Variants in KIAA1217 observed in about 807,000 individuals in gnomAD.
KIAA1217 encodes the protein sickle tail protein homolog.
A neutral mutation model predicts 163.9 loss-of-function variants in KIAA1217; 88 were observed. The observed-to-expected ratio is 0.54, with a 90% CI of 0.45 to 0.64. The LOEUF is 0.64. Ranked by LOEUF, KIAA1217 falls within the 30% of genes least tolerant of loss-of-function variation. The pLI, the probability that KIAA1217 is intolerant of heterozygous loss-of-function variation, is 0.00. For synonymous variants in KIAA1217, 903 were observed against 923.1 expected (o/e 0.98, Z 0.39); for missense variants, 2,372 against 2,475.0 (o/e 0.96, Z 0.88).
At chr10:24,216,364 G>A (rs2068818400) in intron 1 of KIAA1217, among the ~76,000 whole-genome samples, 1 of 152,192 alleles carries the variant, frequency 6.6e-6, no homozygotes, top group Non-Finnish European at 1.5e-5. Context: ...GGACATGCAT[G>A]GATGTTTATC....
chr10:23,835,668 C>T (rs188846011), intron 1 of KIAA1217, among the ~76,000 whole-genome samples: 18 of 152,202 alleles, frequency 1.2e-4, no homozygotes, highest in Admixed American at 3.9e-4. Flanking sequence ...TTCTTTCTGC[C>T]ACACCTTTAA....
intron 2 of KIAA1217, among the ~76,000 whole-genome samples, chr10:24,251,856 TAAAAA>T (rs34540873): frequency 5.8e-5 from 7 of 119,736 alleles, no homozygotes; most frequent in Admixed American, 1.8e-4. Context: ...CTGCATCTGT[TAAAAA>T]AAAAAAAAAA....
intron 2 of KIAA1217, among the ~76,000 whole-genome samples, chr10:24,029,856 T>A (rs1848121178): frequency 6.6e-6 from 1 of 152,154 alleles, no homozygotes; most frequent in African/African-American, 2.4e-5. Flanking sequence ...TGTAGTATCA[T>A]CTCTGTATTG....
chr10:24,525,754 C>T (rs1214185973), intron 13 of KIAA1217, among the ~76,000 whole-genome samples: 6 of 152,058 alleles, frequency 3.9e-5, no homozygotes, highest in East Asian at 1.9e-4. Flanking sequence ...TTTGGGAGGC[C>T]GAGGCGGGTC....
chr10:23,854,634 A>T, intron 1 of KIAA1217, among the ~76,000 whole-genome samples: 1 of 152,100 alleles, frequency 6.6e-6, no homozygotes, highest in East Asian at 1.9e-4. Context: ...TCCCATTATT[A>T]TCGTGTGGGA....
At chr10:24,407,793 T>G (rs990309246) in intron 3 of KIAA1217, among the ~76,000 whole-genome samples, 3 of 152,180 alleles carry the variant, frequency 2.0e-5, no homozygotes, top group African/African-American at 7.2e-5. Context: ...GCCATGGTCA[T>G]GAAGAGTGGC....
chr10:24,334,583 C>T (rs137913888), intron 2 of KIAA1217, among the ~76,000 whole-genome samples: 188 of 152,216 alleles, frequency 1.2e-3, no homozygotes, highest in African/African-American at 4.3e-3. Context: ...CTTATAAATC[C>T]TTACATCTAA....
intron 1 of KIAA1217, among the ~76,000 whole-genome samples, chr10:23,749,609 G>A (rs141908407): frequency 2.0e-5 from 3 of 152,140 alleles, no homozygotes; most frequent in Non-Finnish European, 4.4e-5. Flanking sequence ...CATTCACCAT[G>A]TTGGCCAGGA....
In KIAA1217 at chr10:23,695,641, C is replaced by A. The variant is rs1433617896; in HGVS notation, c.-321+407C>A. Among the ~76,000 whole-genome samples, 1 of 151,994 alleles carries A rather than the reference C, an allele frequency of 6.6e-6. No homozygotes were observed. Among genetic ancestry groups the A allele is most frequent in the African/African-American group, 2.4e-5 (1 of 41,404 alleles). On this transcript the variant is annotated intron_variant, in intron 1 of 18. Coordinates refer to the KIAA1217 transcript ENST00000376462. The surrounding 1 kb of genome is among the most constrained non-coding windows in gnomAD (Gnocchi z 4.9). ...TTGCCTCGTTTTTCACTCGGGGCTG[C>A]GAAGAGGGCATTGCTCTTTCTGATG...
chr10:24,193,033 C>G (rs376815667), intron 2 of KIAA1217, among the ~76,000 whole-genome samples: 25 of 152,296 alleles, frequency 1.6e-4, no homozygotes, highest in African/African-American at 5.8e-4. Flanking sequence ...CTTCCCATCT[C>G]AGCCTCCTGA....
intron 1 of KIAA1217, among the ~76,000 whole-genome samples, chr10:23,833,288 C>G (rs941913568): frequency 9.9e-5 from 15 of 152,046 alleles, no homozygotes; most frequent in Admixed American, 7.2e-4. Flanking sequence ...CTAATTGCCT[C>G]AAGCTTCATC....
At chr10:23,942,165 CAT>C (rs1448915152) in intron 1 of KIAA1217, among the ~76,000 whole-genome samples, 5 of 152,028 alleles carry the variant, frequency 3.3e-5, no homozygotes, top group Non-Finnish European at 1.5e-5. Context: ...AGATACTAGA[CAT>C]GTGAAGAAAC....
intron 2 of KIAA1217, among the ~76,000 whole-genome samples, chr10:24,315,116 C>A (rs184548897): frequency 6.6e-6 from 1 of 152,140 alleles, no homozygotes; most frequent in East Asian, 1.9e-4. Context: ...ACAGAGGAGG[C>A]ATGGAAAAGG....
chr10:23,835,566 T>C (rs1386932814), intron 1 of KIAA1217, among the ~76,000 whole-genome samples: 2 of 152,192 alleles, frequency 1.3e-5, no homozygotes. Context: ...GTTGTTTTTA[T>C]TTGCTCTTTT....
chr10:24,434,381 A>C (rs1477958063), intron 4 of KIAA1217, among the ~76,000 whole-genome samples: 1 of 152,108 alleles, frequency 6.6e-6, no homozygotes, highest in African/African-American at 2.4e-5. Flanking sequence ...TCTGTCACCC[A>C]GGCTGGACCT....
intron 3 of KIAA1217, among the ~76,000 whole-genome samples, chr10:24,397,074 T>A (rs1209752626): frequency 6.6e-6 from 1 of 151,794 alleles, no homozygotes; most frequent in Non-Finnish European, 1.5e-5. Context: ...CAGGAGTTTG[T>A]GTTCTGATGG....
At chr10:24,495,665 G>T (rs932679744) in intron 8 of KIAA1217, among the ~76,000 whole-genome samples, 1 of 152,210 alleles carries the variant, frequency 6.6e-6, no homozygotes, top group African/African-American at 2.4e-5. Flanking sequence ...CCAGTCAAGG[G>T]AATTTAAAAT....
intron 2 of KIAA1217, among the ~76,000 whole-genome samples, chr10:24,149,529 CAG>C (rs1028427943): frequency 6.6e-6 from 1 of 151,616 alleles, no homozygotes; most frequent in African/African-American, 2.4e-5. Context: ...TGTTCATAAA[CAG>C]GCATCAGATG....
chr10:24,428,117 G>T (rs1427052892), intron 3 of KIAA1217, among the ~76,000 whole-genome samples: 1 of 152,154 alleles, frequency 6.6e-6, no homozygotes, highest in Non-Finnish European at 1.5e-5. Context: ...ATGCAGATGT[G>T]GGGATGAAAA....
Sources: allele counts gnomAD v4.1 joint callset (sites outside exome capture counted in the v4.1 genomes callset), GRCh38; gene constraint gnomAD v4.1.1; non-coding constraint Gnocchi (gnomAD v3.1); transcripts MANE v1.5; gene names NCBI Gene and HGNC (gene_info 2026-07-23, HGNC 2026-07-21).